CSMD3: variants seen among roughly 807,000 people sequenced by gnomAD.
CSMD3 encodes the protein CUB and Sushi multiple domains 3, also known as CUB and sushi domain-containing protein 3.
In CSMD3, 177 loss-of-function variants were observed where a neutral mutation model predicts 435.2. That is an observed-to-expected ratio of 0.41 (90% CI 0.36 to 0.46). The LOEUF (loss-of-function observed/expected upper bound fraction) is 0.46. Ranked by LOEUF, CSMD3 falls within the 20% of genes least tolerant of loss-of-function variation. CSMD3 has a pLI of 0.34. For synonymous variants in CSMD3, 1,656 were observed against 1,520.5 expected (o/e 1.09, Z -2.07); for missense variants, 4,265 against 4,504.6 (o/e 0.95, Z 1.52).
At chr8:112,331,144 G>A (rs928148942) in intron 45 of CSMD3, among the ~76,000 whole-genome samples, 3 of 151,996 alleles carry the variant, frequency 2.0e-5, no homozygotes, top group Non-Finnish European at 4.4e-5. Context: ...CACTAATATA[G>A]TGATGGCTAT....
At chr8:112,612,142 A>G (rs1429969077) in intron 22 of CSMD3, among the ~76,000 whole-genome samples, 1 of 152,152 alleles carries the variant, frequency 6.6e-6, no homozygotes, top group East Asian at 1.9e-4. Context: ...ATAAAATACA[A>G]CCTGCTAAAA....
chr8:113,399,106 T>TATATATATATATATATATACACACAC (rs773585004), intron 1 of CSMD3, among the ~76,000 whole-genome samples: 1 of 95,096 alleles, frequency 1.1e-5, no homozygotes, highest in Non-Finnish European at 2.0e-5. Flanking sequence ...TATATATATA[T>TATATATATATATATATATACACACAC]ACACACACAC....
At chr8:113,233,993 C>T (rs2093119926) in intron 3 of CSMD3, among the ~76,000 whole-genome samples, 1 of 152,022 alleles carries the variant, frequency 6.6e-6, no homozygotes, top group African/African-American at 2.4e-5. Flanking sequence ...TCTTTCCAAG[C>T]TAAGGGAACC....
chr8:113,186,066 T>C (rs2092496094), intron 3 of CSMD3, among the ~76,000 whole-genome samples: 1 of 152,052 alleles, frequency 6.6e-6, no homozygotes, highest in Non-Finnish European at 1.5e-5. Flanking sequence ...CTGTATCCAC[T>C]CATTTCATGG....
intron 9 of CSMD3, among the ~76,000 whole-genome samples, chr8:112,945,565 A>G (rs1345250468): frequency 6.7e-6 from 1 of 148,356 alleles, no homozygotes; most frequent in Non-Finnish European, 1.5e-5. Context: ...AAGTTGCCAA[A>G]TATAATAAGA....
intron 13 of CSMD3, among the ~76,000 whole-genome samples, chr8:112,745,491 T>C (rs541460896): frequency 6.6e-6 from 1 of 152,112 alleles, no homozygotes; most frequent in African/African-American, 2.4e-5. Flanking sequence ...TATAATTGGC[T>C]ATGCTTTCTG....
intron 11 of CSMD3, among the ~76,000 whole-genome samples, chr8:112,852,703 G>A (rs554357331): frequency 2.6e-5 from 4 of 151,798 alleles, no homozygotes; most frequent in Admixed American, 6.6e-5. Flanking sequence ...TGGGTGGATC[G>A]CGAGGTCAGG....
At chr8:112,340,640 TA>T (rs2130985072) in intron 42 of CSMD3, among the ~76,000 whole-genome samples, 1 of 152,226 alleles carries the variant, frequency 6.6e-6, no homozygotes, top group East Asian at 1.9e-4. Flanking sequence ...CCATTAGAAA[TA>T]AACTTTATTA....
chr8:112,655,511 T>C (rs902930893), intron 18 of CSMD3, among the ~76,000 whole-genome samples: 6 of 152,070 alleles, frequency 3.9e-5, no homozygotes, highest in African/African-American at 1.2e-4. Flanking sequence ...TCTGTGTTCA[T>C]ATCAGCATCA....
At chr8:112,409,096 C>CA in intron 32 of CSMD3, 64 bp from the exon 33 acceptor site, 7 of 1,604,482 alleles carry the variant, frequency 4.4e-6, no homozygotes, top group Middle Eastern at 1.7e-4. Context: ...AAACAAAAAA[C>CA]AAAAAAATAG....
intron 6 of CSMD3, among the ~76,000 whole-genome samples, chr8:112,978,006 C>A (rs2084916760): frequency 6.6e-6 from 1 of 151,964 alleles, no homozygotes; most frequent in African/African-American, 2.4e-5. Flanking sequence ...TCATGATGAG[C>A]TCATGTGCTC....
At chr8:112,347,372 T>C (rs1451172717) in intron 40 of CSMD3, among the ~76,000 whole-genome samples, 3 of 152,170 alleles carry the variant, frequency 2.0e-5, no homozygotes, top group African/African-American at 7.2e-5. Flanking sequence ...AAGTTACCTA[T>C]ACAGAATACT....
chr8:113,409,467 T>G (rs2094548506), intron 1 of CSMD3, among the ~76,000 whole-genome samples: 1 of 152,134 alleles, frequency 6.6e-6, no homozygotes, highest in Non-Finnish European at 1.5e-5. Flanking sequence ...CCATGAAGCT[T>G]GACTGCAAGG....
intron 3 of CSMD3, among the ~76,000 whole-genome samples, chr8:113,238,812 T>C (rs1297664352): frequency 2.0e-5 from 3 of 152,180 alleles, no homozygotes; most frequent in East Asian, 1.9e-4. Flanking sequence ...CTGGCACTTA[T>C]AGGATAGGGA....
At chr8:112,419,475 TAATTTGGTAGCTCCAGG>T (rs1215152198) in intron 32 of CSMD3, among the ~76,000 whole-genome samples, 6 of 152,228 alleles carry the variant, frequency 3.9e-5, no homozygotes, top group Non-Finnish European at 8.8e-5. Flanking sequence ...AATTATCCAG[TAATTTGGTAGCTCCAGG>T]AATCTAGGTT....
intron 5 of CSMD3, among the ~76,000 whole-genome samples, chr8:113,078,759 T>G (rs2089445123): frequency 6.6e-6 from 1 of 152,196 alleles, no homozygotes; most frequent in African/African-American, 2.4e-5. Flanking sequence ...CTGCATCATT[T>G]TCATATTCTA....
At chr8:112,599,682 T>C (rs1009235849) in intron 22 of CSMD3, among the ~76,000 whole-genome samples, 26 of 151,280 alleles carry the variant, frequency 1.7e-4, no homozygotes, top group Non-Finnish European at 3.0e-4. Flanking sequence ...TGGAATACTA[T>C]GCAGCCATAA....
intron 5 of CSMD3, among the ~76,000 whole-genome samples, chr8:113,033,105 T>C (rs1414974346): frequency 6.6e-6 from 1 of 151,512 alleles, no homozygotes; most frequent in African/African-American, 2.4e-5. Flanking sequence ...AGAAGAGCTC[T>C]CATGAAGAAC....
chr8:112,837,182 A>G (rs2080051013), intron 11 of CSMD3, among the ~76,000 whole-genome samples: 1 of 151,858 alleles, frequency 6.6e-6, no homozygotes, highest in African/African-American at 2.4e-5. Context: ...GAAAGCATCT[A>G]TTGATACAAG....
Sources: gnomAD v4.1 joint callset for allele counts (sites outside exome capture counted in the v4.1 genomes callset) on GRCh38, gnomAD v4.1.1 for gene constraint, MANE v1.5 for transcripts, NCBI Gene and HGNC (gene_info 2026-07-23, HGNC 2026-07-21) for gene names.